The following RNF180 variants were observed in gnomAD, a reference collection of about 807,000 sequenced individuals.
RNF180 encodes E3 ubiquitin-protein ligase RNF180.
A neutral mutation model predicts 59.2 loss-of-function variants in RNF180; 38 were observed. The observed-to-expected ratio is 0.64, with a 90% CI of 0.50 to 0.84. The LOEUF (loss-of-function observed/expected upper bound fraction) is 0.84, where lower values mean the gene tolerates loss of function less well. Among genes scored for constraint, RNF180 ranks in the 40% least tolerant of loss-of-function variants. The pLI, the probability that RNF180 is intolerant of heterozygous loss-of-function variation, is 0.00. For synonymous variants in RNF180, 262 were observed against 240.3 expected (o/e 1.09, Z -0.84); for missense variants, 705 against 700.9 (o/e 1.01, Z -0.07).
intron 1 of RNF180, among the ~76,000 whole-genome samples, chr5:64,177,944 G>A (rs1471436615): frequency 1.3e-5 from 2 of 152,002 alleles, no homozygotes; most frequent in Admixed American, 6.6e-5. Flanking sequence ...GGTGGCTCAC[G>A]CCTGTAATCC....
chr5:64,202,009 T>A (rs2962998), intron 2 of RNF180, among the ~76,000 whole-genome samples: 68,545 of 152,044 alleles, frequency 0.45, 16,916 homozygotes, highest in African/African-American at 0.66. Flanking sequence ...ATTAGGAAAA[T>A]ATCCAAAACT....
chr5:64,213,978 A>C lies in RNF180; in HGVS notation c.652A>C (p.Arg218=). 6.2e-7 allele frequency: 1 copy of C among 1,614,030 alleles called. No individual in the cohort carries two copies. Among genetic ancestry groups the C allele is most frequent in the South Asian group, 1.1e-5 (1 of 91,084 alleles). ...TTTTGTTCCCCAGCTTGTGACTGGC[A>C]GATGCGCTACAAGAGCTTTTCATAG... ...QLFVPQLVTG[R]CATRAFHRKS... is the part of the protein sequence containing the mutation. Residue 218 remains arginine (R), a synonymous_variant, in exon 4 of 8, where the codon AGA becomes CGA. Coordinates refer to ENST00000389100, the MANE Select transcript of RNF180 (RefSeq NM_001113561.2).
chr5:64,234,063 C>T (rs950090084), intron 5 of RNF180, among the ~76,000 whole-genome samples: 4 of 152,192 alleles, frequency 2.6e-5, no homozygotes, highest in Non-Finnish European at 5.9e-5. Flanking sequence ...TAGCTGTATG[C>T]TCTTGTGCAA....
At chr5:64,267,494 C>T (rs1203057039) in intron 5 of RNF180, among the ~76,000 whole-genome samples, 1 of 151,670 alleles carries the variant, frequency 6.6e-6, no homozygotes, top group Non-Finnish European at 1.5e-5. Flanking sequence ...CAATGCTATC[C>T]CTCCCCACTC....
At chr5:64,265,000 T>C (rs1344308372) in intron 5 of RNF180, among the ~76,000 whole-genome samples, 1 of 152,204 alleles carries the variant, frequency 6.6e-6, no homozygotes, top group Non-Finnish European at 1.5e-5. Flanking sequence ...TTTTTTCATA[T>C]GTTTGTTGGC....
intron 2 of RNF180, among the ~76,000 whole-genome samples, chr5:64,202,302 A>G (rs1751794538): frequency 6.6e-6 from 1 of 151,978 alleles, no homozygotes; most frequent in Non-Finnish European, 1.5e-5. Context: ...TGTTTTAGAG[A>G]TTTATGTTTT....
At chr5:64,334,806 T>C (rs1745052931) in intron 7 of RNF180, among the ~76,000 whole-genome samples, 1 of 152,214 alleles carries the variant, frequency 6.6e-6, no homozygotes. Flanking sequence ...TCCATTCTCT[T>C]GTTGATGAAC....
chr5:64,177,218 C>G (rs570363924), intron 1 of RNF180, among the ~76,000 whole-genome samples: 1 of 152,200 alleles, frequency 6.6e-6, no homozygotes, highest in South Asian at 2.1e-4. Flanking sequence ...ATTATACTTA[C>G]TGCTAGCCAA....
chr5:64,338,494 G>A (rs1745224308), intron 7 of RNF180, among the ~76,000 whole-genome samples: 1 of 151,986 alleles, frequency 6.6e-6, no homozygotes, highest in Admixed American at 6.6e-5. Flanking sequence ...AATTAGCCTG[G>A]CGTGGTGGCG....
rs774092359 is a variant in RNF180 at position 64,200,853 on chromosome 5, G to GA, written c.49dup (p.Thr17AsnfsTer10). Reference sequence around the variant, plus strand: ...GATAACTAAAAATCATAGTCAAGAGGAAACAAGTATTCTTCGTTGTTGGAA... The same window carrying GA: ...GATAACTAAAAATCATAGTCAAGAGGAAAACAAGTATTCTTCGTTGTTGGAA... On this transcript the variant is annotated frameshift_variant, in exon 2 of 8. Coordinates refer to ENST00000389100, the MANE Select transcript of RNF180 (RefSeq NM_001113561.2). LOFTEE classifies it high-confidence loss of function. 6.2e-7 allele frequency: 1 copy of GA among 1,611,738 alleles called. No individual in the cohort carries two copies. The highest frequency in any genetic ancestry group is 8.5e-7 in the Non-Finnish European group (1 of 1,177,952).
chr5:64,299,024 T>A (rs1743032134), intron 5 of RNF180, among the ~76,000 whole-genome samples: 1 of 151,918 alleles, frequency 6.6e-6, no homozygotes, highest in Non-Finnish European at 1.5e-5. Context: ...TTGGTAGGTA[T>A]TAATAATTAG....
In RNF180 at chr5:64,200,726, T is replaced by C. The variant is rs1017006389; in HGVS notation, c.1-82T>C. On this transcript the variant is annotated intron_variant, in intron 1 of 7. Coordinates refer to ENST00000389100, the MANE Select transcript of RNF180 (RefSeq NM_001113561.2). ...AGTTCCCTGCTTTACTGTCCACTTG[T>C]AGCTAATGCCATGTTAAGGATTTAG... 27 of 1,187,454 alleles carry C rather than the reference T, an allele frequency of 2.3e-5. No homozygotes were observed. The African/African-American group carries it at 3.2e-4, about 14-fold the overall frequency. The allele number at this position is 1,187,454 out of a possible 1,614,324, so 73.6% of individuals were successfully genotyped here.
chr5:64,250,282 A>G (rs1743483714), intron 5 of RNF180, among the ~76,000 whole-genome samples: 1 of 152,140 alleles, frequency 6.6e-6, no homozygotes, highest in South Asian at 2.1e-4. Context: ...AAAAGCCATT[A>G]TAAGAGGGAA....
chr5:64,233,946 TATC>T (rs1259534786), intron 5 of RNF180, among the ~76,000 whole-genome samples: 3 of 152,190 alleles, frequency 2.0e-5, no homozygotes, highest in Non-Finnish European at 2.9e-5. Flanking sequence ...TCAGAAAACT[TATC>T]ATACTACATG....
rs1162054033 is a variant in RNF180 at position 64,346,359 on chromosome 5, C to CTTTTTTT, written c.1579+15974_1579+15980dup. On this transcript the variant is annotated intron_variant, in intron 7 of 7. Transcript: ENST00000389100. Reference sequence around the variant, plus strand: ...TCTATTCTTCTTTTTTTCTTTTCTTCTTTTTTTTTTTTTTTTTTTTTTTTT... The same window carrying CTTTTTTT: ...TCTATTCTTCTTTTTTTCTTTTCTTCTTTTTTTTTTTTTTTTTTTTTTTTTTTTTTTT... Among the ~76,000 whole-genome samples, 58 of 42,962 alleles carry CTTTTTTT rather than the reference C, an allele frequency of 1.4e-3. 1 individual carries two copies. Among genetic ancestry groups the CTTTTTTT allele is most frequent in the African/African-American group, 2.4e-3 (26 of 10,820 alleles). The allele number at this position is 42,962 out of a possible 152,430, so 28.2% of individuals were successfully genotyped here.
At chr5:64,311,623 CT>C (rs549434723) in intron 5 of RNF180, among the ~76,000 whole-genome samples, 28 of 151,932 alleles carry the variant, frequency 1.8e-4, no homozygotes, top group Non-Finnish European at 2.9e-4. Context: ...TAAACTGTTC[CT>C]TTTGCCCAAA....
chr5:64,366,863 A>T (rs560070379), intron 7 of RNF180, among the ~76,000 whole-genome samples: 1 of 151,664 alleles, frequency 6.6e-6, no homozygotes, highest in Non-Finnish European at 1.5e-5. Flanking sequence ...TTATTTACAT[A>T]TCAAGATACA....
chr5:64,368,959 G>A (rs183000172), intron 7 of RNF180, among the ~76,000 whole-genome samples: 2 of 151,978 alleles, frequency 1.3e-5, no homozygotes, highest in African/African-American at 4.8e-5. Context: ...CCCATTACTG[G>A]GTATATACCC....
intron 5 of RNF180, among the ~76,000 whole-genome samples, chr5:64,280,707 G>T (rs1004474953): frequency 1.3e-4 from 20 of 152,044 alleles, no homozygotes; most frequent in South Asian, 4.1e-4. Flanking sequence ...GGTTACTGTA[G>T]CCTTGTAGTA....
Sources: gnomAD v4.1 joint callset for allele counts (sites outside exome capture counted in the v4.1 genomes callset) on GRCh38, gnomAD v4.1.1 for gene constraint, MANE v1.5 for transcripts, NCBI Gene and HGNC (gene_info 2026-07-23, HGNC 2026-07-21) for gene names.